Variants in TRIM44 observed in about 807,000 individuals in gnomAD.
The protein encoded by TRIM44 is tripartite motif containing 44.
Under a neutral mutation model 37.4 loss-of-function variants are expected in TRIM44, and 13 were observed. The observed-to-expected ratio is 0.35, with a 90% CI of 0.23 to 0.55. TRIM44 has a LOEUF of 0.55. Ranked by LOEUF, TRIM44 falls within the 20% of genes least tolerant of loss-of-function variation. TRIM44 has a pLI of 0.89. For synonymous variants in TRIM44, 175 were observed against 157.2 expected (o/e 1.11, Z -0.85); for missense variants, 426 against 437.2 (o/e 0.97, Z 0.23).
intron 2 of TRIM44, among the ~76,000 whole-genome samples, chr11:35,704,191 A>C (rs1042285770): frequency 6.6e-6 from 1 of 152,192 alleles, no homozygotes; most frequent in Non-Finnish European, 1.5e-5. Flanking sequence ...GAAATGAAGC[A>C]AGAAGGGAAG....
intron 2 of TRIM44, among the ~76,000 whole-genome samples, chr11:35,699,212 G>T (rs573716849): frequency 3.9e-5 from 6 of 151,958 alleles, no homozygotes; most frequent in Admixed American, 3.9e-4. Context: ...TTGAAGTCAG[G>T]TAGCGTGATG....
intron 4 of TRIM44, among the ~76,000 whole-genome samples, chr11:35,782,262 G>T (rs1004529634): frequency 6.6e-6 from 1 of 152,146 alleles, no homozygotes; most frequent in Non-Finnish European, 1.5e-5. Context: ...CTAAATCTCA[G>T]TCTTAAAGGA....
Position 35,776,940 on chromosome 11 carries a change from G to T in TRIM44, c.1008-29418G>T, listed in dbSNP as rs989302403. ...GAAGAATGTATATTCTGTTGATTTG[G>T]GGTGGAGAGTTCTGTAGATATCTAT... On this transcript the variant is annotated intron_variant, in intron 4 of 4. Coordinates refer to ENST00000299413, the MANE Select transcript of TRIM44 (RefSeq NM_017583.6). 5.9e-5 allele frequency among the ~76,000 whole-genome samples: 9 copies of T among 152,216 alleles called. No homozygotes were observed. In the South Asian group the frequency reaches 6.2e-4, roughly 11 times the overall value.
chr11:35,708,989 C>G (rs943257781), intron 2 of TRIM44, among the ~76,000 whole-genome samples: 2 of 150,444 alleles, frequency 1.3e-5, no homozygotes, highest in Non-Finnish European at 3.0e-5. Flanking sequence ...CATGCCCCCC[C>G]CCCAAAAAAA....
rs967094644 is a variant in TRIM44, at chr11:35,817,211, T to C, written c.*10826T>C. ...TTCATGCAGAAAACTGAAAGATACC[T>C]TTAGCTACATCTACCCCAGAATGAG... is the stretch of plus-strand genomic sequence containing the variant. On this transcript the variant is annotated 3_prime_UTR_variant, in exon 5 of 5. Coordinates refer to ENST00000299413, the MANE Select transcript of TRIM44 (RefSeq NM_017583.6). The C allele has an allele frequency of 2.6e-5, 4 of 152,106 alleles. No individual in the cohort carries two copies. Among genetic ancestry groups the C allele is most frequent in the African/African-American group, 9.7e-5 (4 of 41,410 alleles). The allele number at this position is 152,106 out of a possible 1,614,324, so 9.4% of individuals were successfully genotyped here.
At chr11:35,734,280 A>C (rs904438053) in intron 3 of TRIM44, among the ~76,000 whole-genome samples, 5 of 152,212 alleles carry the variant, frequency 3.3e-5, no homozygotes, top group Admixed American at 1.3e-4. Context: ...TGTCACAGGC[A>C]CTGTGTTTGA....
intron 4 of TRIM44, among the ~76,000 whole-genome samples, chr11:35,748,286 G>A (rs746723857): frequency 1.4e-4 from 21 of 152,120 alleles, no homozygotes; most frequent in Non-Finnish European, 2.5e-4. Flanking sequence ...TCTTTGGGTC[G>A]AATAGGGGAA....
intron 4 of TRIM44, among the ~76,000 whole-genome samples, chr11:35,769,355 G>A (rs1377174888): frequency 6.6e-6 from 1 of 152,188 alleles, no homozygotes; most frequent in African/African-American, 2.4e-5. Flanking sequence ...TTTGACAAGA[G>A]CCACATTCTC....
intron 4 of TRIM44, among the ~76,000 whole-genome samples, chr11:35,751,132 AATGAATC>A (rs1264452753): frequency 6.6e-6 from 1 of 152,230 alleles, no homozygotes; most frequent in African/African-American, 2.4e-5. Flanking sequence ...TAAATGAATG[AATGAATC>A]AGGCAGTGAC....
chr11:35,723,224 A>C (rs1249046001), intron 2 of TRIM44, among the ~76,000 whole-genome samples: 1 of 152,204 alleles, frequency 6.6e-6, no homozygotes, highest in East Asian at 1.9e-4. Context: ...TAACTTTATT[A>C]TCGTACTTCT....
intron 2 of TRIM44, among the ~76,000 whole-genome samples, chr11:35,713,356 G>A (rs1300844575): frequency 1.3e-5 from 2 of 152,176 alleles, no homozygotes; most frequent in Non-Finnish European, 2.9e-5. Context: ...ACTTGTTCAC[G>A]AGGCTAAAGA....
intron 2 of TRIM44, among the ~76,000 whole-genome samples, chr11:35,697,926 G>A (rs1243890493): frequency 4.6e-5 from 7 of 151,864 alleles, no homozygotes; most frequent in Non-Finnish European, 8.8e-5. Flanking sequence ...GTGTGCATGT[G>A]TCTTTATAGC....
intron 4 of TRIM44, among the ~76,000 whole-genome samples, chr11:35,759,644 G>A (rs1323531151): frequency 1.3e-5 from 2 of 152,096 alleles, no homozygotes; most frequent in Non-Finnish European, 2.9e-5. Flanking sequence ...TCTACTTTTG[G>A]TCTTTGATGA....
chr11:35,684,094 C>T (rs780092102), intron 1 of TRIM44, among the ~76,000 whole-genome samples: 4 of 152,110 alleles, frequency 2.6e-5, no homozygotes, highest in Non-Finnish European at 4.4e-5. Flanking sequence ...CCTAAGGTCA[C>T]ACAGCTAGTG....
At chr11:35,798,484 A>G (rs1360321213) in intron 4 of TRIM44, among the ~76,000 whole-genome samples, 1 of 152,192 alleles carries the variant, frequency 6.6e-6, no homozygotes, top group Non-Finnish European at 1.5e-5. Context: ...AAGTATGGGA[A>G]TCCTCTGTAC....
chr11:35,670,864 G>A (rs569765381), intron 1 of TRIM44, among the ~76,000 whole-genome samples: 2 of 152,326 alleles, frequency 1.3e-5, no homozygotes, highest in African/African-American at 4.8e-5. Context: ...CATGACATTT[G>A]CTCTTTTAGG....
intron 3 of TRIM44, among the ~76,000 whole-genome samples, chr11:35,726,696 A>C (rs1302225282): frequency 2.0e-5 from 3 of 152,108 alleles, no homozygotes; most frequent in Admixed American, 6.5e-5. Context: ...AAAAAAAAAA[A>C]AACTATGAAT....
At chr11:35,691,356 A>G (rs1193767827) in intron 2 of TRIM44, among the ~76,000 whole-genome samples, 1 of 152,210 alleles carries the variant, frequency 6.6e-6, no homozygotes, top group Non-Finnish European at 1.5e-5. Context: ...CCCTGGCTTT[A>G]TCAAAACAAA....
rs928154552 is a variant in TRIM44, at chr11:35,777,692, T to G, written c.1008-28666T>G. ...TCAGCATTTGCTTCTCTGTAAAGGA[T>G]TTTATTTCTCCTTCACTTATGAAGC... On this transcript the variant is annotated intron_variant, in intron 4 of 4. Transcript: ENST00000299413. Among the ~76,000 whole-genome samples the G allele has an allele frequency of 1.2e-4, 18 of 152,242 alleles. 1 individual carries two copies. The highest frequency in any genetic ancestry group is 6.8e-3 in the Middle Eastern group (2 of 294).
Sources: allele counts gnomAD v4.1 joint callset (sites outside exome capture counted in the v4.1 genomes callset), GRCh38; gene constraint gnomAD v4.1.1; transcripts MANE v1.5; gene names NCBI Gene and HGNC (gene_info 2026-07-23, HGNC 2026-07-21).